Variants in RABEP1 observed in about 807,000 individuals in gnomAD.
The protein encoded by RABEP1 is rabaptin, RAB GTPase binding effector protein 1.
In RABEP1, 51 loss-of-function variants were observed where a neutral mutation model predicts 123.4. That is an observed-to-expected ratio of 0.41 (90% CI 0.33 to 0.52). The LOEUF is 0.52. Among genes scored for constraint, RABEP1 ranks in the 20% least tolerant of loss-of-function variants. The probability of loss-of-function intolerance (pLI) is 0.16; values close to 1 mark genes in which losing one functional copy is unlikely to be tolerated. For synonymous variants in RABEP1, 347 were observed against 355.2 expected, an observed-to-expected ratio of 0.98 and a Z score of 0.26; for missense variants, 888 against 996.3, an observed-to-expected ratio of 0.89 and a Z score of 1.46.
chr17:5,294,222 A>G (rs1225860634), intron 1 of RABEP1, among the ~76,000 whole-genome samples: 4 of 152,074 alleles, frequency 2.6e-5, no homozygotes, highest in African/African-American at 7.2e-5. Flanking sequence ...CCTGTCTACT[A>G]AAAATACAAA....
intron 1 of RABEP1, among the ~76,000 whole-genome samples, chr17:5,282,868 G>A (rs2074941357): frequency 6.6e-6 from 1 of 151,940 alleles, no homozygotes; most frequent in African/African-American, 2.4e-5. Flanking sequence ...TGGAAATCGG[G>A]AACATGTGCT....
In RABEP1 at chr17:5,365,214, A is replaced by C. The variant is rs374438602; in HGVS notation, c.1761A>C (p.Gln587His). ...DKQELEDFIK[Q>H]SSEDSSHQIS... ...AGGAGCTGGAAGACTTCATAAAGCA[A>C]AGCAGCGAAGATTCGAGTCACCAGG... Residue 587 changes from glutamine (Q) to histidine (H), a missense_variant, in exon 11 of 18, where the codon CAA (glutamine) becomes CAC (histidine). Coordinates refer to ENST00000537505, the MANE Select transcript of RABEP1 (RefSeq NM_004703.6). The C allele has an allele frequency of 3.1e-6, 5 of 1,609,452 alleles. No individual in the cohort carries two copies. The African/African-American group carries it at 6.7e-5, about 22-fold the overall frequency.
intron 2 of RABEP1, among the ~76,000 whole-genome samples, chr17:5,320,421 C>CAAAAAAAAAAAAA (rs60202531): frequency 5.9e-5 from 5 of 84,644 alleles, no homozygotes; most frequent in African/African-American, 1.3e-4. Context: ...GCTAACACAC[C>CAAAAAAAAAAAAA]AAAAAAAAAA....
At chr17:5,320,320 TC>T (rs2075340590) in intron 2 of RABEP1, among the ~76,000 whole-genome samples, 1 of 148,772 alleles carries the variant, frequency 6.7e-6, no homozygotes, top group Non-Finnish European at 1.5e-5. Flanking sequence ...ATACATTCTT[TC>T]CCAGACAGAA....
At chr17:5,316,449 CAAAAA>C (rs386385498) in intron 2 of RABEP1, among the ~76,000 whole-genome samples, 1 of 28,582 alleles carries the variant, frequency 3.5e-5, no homozygotes, top group Non-Finnish European at 6.1e-5. Context: ...GACTCTGTCT[CAAAAA>C]AAAAAAAAAA....
At chr17:5,338,178 T>G (rs1232828811) in intron 5 of RABEP1, 40 bp downstream of exon 5, 1 of 1,579,198 alleles carries the variant, frequency 6.3e-7, no homozygotes, top group Non-Finnish European at 8.6e-7. Context: ...AAACCCAAGT[T>G]TCTGCCCCAA....
Position 5,325,509 on chromosome 17 carries a change from C to T in RABEP1, c.164-6440C>T, listed in dbSNP as rs577987381. Among the ~76,000 whole-genome samples, 7 of 151,818 alleles carry T rather than the reference C, an allele frequency of 4.6e-5. No homozygotes were observed. In the South Asian group the frequency reaches 1.0e-3, roughly 23 times the overall value. Reference sequence around the variant, plus strand: ...GAGAAGATAGACTAGATTGGTGGTACGAAGGTCAGGGAAAGCGGGGGTCTG... The same window carrying T: ...GAGAAGATAGACTAGATTGGTGGTATGAAGGTCAGGGAAAGCGGGGGTCTG... On this transcript the variant is annotated intron_variant, in intron 2 of 17. Coordinates refer to ENST00000537505, the MANE Select transcript of RABEP1 (RefSeq NM_004703.6).
At chr17:5,381,822 A>G in intron 17 of RABEP1, 1 of 202,870 alleles carries the variant, frequency 4.9e-6, no homozygotes, top group South Asian at 1.4e-4. Context: ...CTTGTTTTAC[A>G]TGTTTAACTG....
At chr17:5,361,087 G>C in intron 8 of RABEP1, 121 bp from the exon 9 acceptor site, 1 of 871,934 alleles carries the variant, frequency 1.1e-6, no homozygotes. Context: ...CAATGAGTCT[G>C]TGAAGGTAGC....
Position 5,383,680 on chromosome 17 carries a change from A to T in RABEP1, c.*457A>T. The T allele has an allele frequency of 4.3e-6, 1 of 230,482 alleles. No homozygotes were observed. Among genetic ancestry groups the T allele is most frequent in the Non-Finnish European group, 8.6e-6 (1 of 116,478 alleles). The allele number at this position is 230,482 out of a possible 1,614,324, so 14.3% of individuals were successfully genotyped here. A position where few individuals can be genotyped will look rare whatever the true frequency, so the allele number is the denominator to read the frequency against. ...AGCAGACAGAAGTGTAGTATGCTGT[A>T]TGAATATTTTATATTAAAATATGAA... On this transcript the variant is annotated 3_prime_UTR_variant, in exon 18 of 18. Transcript: ENST00000537505.
chr17:5,350,431 G>T lies in RABEP1; in HGVS notation c.785-20G>T. On this transcript the variant is annotated intron_variant, in intron 6 of 17. Coordinates refer to ENST00000537505, the MANE Select transcript of RABEP1 (RefSeq NM_004703.6). Reference sequence around the variant, plus strand: ...TAAAATTCAGTGTTTTTGATTTGTGGTGGGGGGGTTCCTAAACAGTTTGCC... The same window carrying T: ...TAAAATTCAGTGTTTTTGATTTGTGTTGGGGGGGTTCCTAAACAGTTTGCC... 6.3e-7 allele frequency: 1 copy of T among 1,589,838 alleles called. No individual in the cohort carries two copies. Among genetic ancestry groups the T allele is most frequent in the Non-Finnish European group, 8.5e-7 (1 of 1,171,122 alleles).
At chr17:5,287,792 G>A (rs1217319865) in intron 1 of RABEP1, among the ~76,000 whole-genome samples, 1 of 151,596 alleles carries the variant, frequency 6.6e-6, no homozygotes, top group Non-Finnish European at 1.5e-5. Flanking sequence ...TGTGCCTCTA[G>A]TCCCAGCTAC....
intron 14 of RABEP1, among the ~76,000 whole-genome samples, chr17:5,377,843 G>A (rs530459259): frequency 6.6e-6 from 1 of 152,228 alleles, no homozygotes; most frequent in South Asian, 2.1e-4. Context: ...CGTCTTTTTA[G>A]GAGTTCTGTG....
In RABEP1 at chr17:5,386,043, A is replaced by C. The variant is rs1911930738; in HGVS notation, c.*2820A>C. The C allele has an allele frequency of 1.8e-6, 1 of 565,832 alleles. No homozygotes were observed. 35.1% of individuals were successfully genotyped at this position (565,832 alleles called of 1,614,324 possible). A position where few individuals can be genotyped will look rare whatever the true frequency, so the allele number is the denominator to read the frequency against. ...AAAGCACATTCCAAATTTTAAATAA[A>C]AGCATTTACTCAATTATTATAAAAC... On this transcript the variant is annotated 3_prime_UTR_variant, in exon 18 of 18. Transcript: ENST00000537505.
At chr17:5,376,196 C>T (rs963257948) in intron 13 of RABEP1, among the ~76,000 whole-genome samples, 1 of 152,312 alleles carries the variant, frequency 6.6e-6, no homozygotes, top group Admixed American at 6.5e-5. Context: ...TGGCACTTGC[C>T]TGTAATCCCA....
At chr17:5,310,554 G>C (rs1280007399) in intron 2 of RABEP1, among the ~76,000 whole-genome samples, 1 of 151,740 alleles carries the variant, frequency 6.6e-6, no homozygotes, top group East Asian at 2.0e-4. Context: ...TCCTGACCTT[G>C]TGATCCGCCC....
At position 5,383,209 on chromosome 17, in the gene RABEP1, C is replaced by CT; in HGVS notation, c.2577dup (p.Pro860SerfsTer2). On this transcript the variant is annotated frameshift_variant, in exon 18 of 18. Transcript: ENST00000537505. LOFTEE classifies it high-confidence loss of function. The stretch of plus-strand genomic sequence containing the variant: ...TACTAAACTGACAGACATTAACCAG[C>CT]TTCCTGAGACATGACACCCTCATGG... 3.7e-6 allele frequency: 6 copies of CT among 1,614,018 alleles called. No homozygotes were observed. The highest frequency in any genetic ancestry group is 4.2e-6 in the Non-Finnish European group (5 of 1,179,930).
At chr17:5,299,645 A>C (rs1040758283) in intron 1 of RABEP1, among the ~76,000 whole-genome samples, 1 of 144,712 alleles carries the variant, frequency 6.9e-6, no homozygotes, top group African/African-American at 2.6e-5. Context: ...CTCTGCTGTC[A>C]TTGGGGTTTG....
intron 5 of RABEP1, among the ~76,000 whole-genome samples, chr17:5,343,220 C>G (rs926230828): frequency 2.0e-5 from 3 of 152,042 alleles, no homozygotes; most frequent in African/African-American, 7.2e-5. Flanking sequence ...CCATTGCACT[C>G]CAGCCTAGGC....
Sources: gnomAD v4.1 joint callset for allele counts (sites outside exome capture counted in the v4.1 genomes callset) on GRCh38, gnomAD v4.1.1 for gene constraint, MANE v1.5 for transcripts, NCBI Gene and HGNC (gene_info 2026-07-23, HGNC 2026-07-21) for gene names.